KLHL1: variants seen among roughly 807,000 people sequenced by gnomAD.
The protein encoded by KLHL1 is kelch like family member 1.
In KLHL1, 47 loss-of-function variants were observed where a neutral mutation model predicts 77.7. That is an observed-to-expected ratio of 0.60 (90% CI 0.48 to 0.77). The LOEUF (loss-of-function observed/expected upper bound fraction) is 0.77, where lower values mean the gene tolerates loss of function less well. Ranked by LOEUF, KLHL1 falls within the 30% of genes least tolerant of loss-of-function variation. KLHL1 has a pLI of 0.00. For missense variants in KLHL1, 925 were observed against 910.8 expected (o/e 1.02, Z -0.20); for synonymous variants, 360 against 325.2 (o/e 1.11, Z -1.15).
chr13:69,832,958 G>T (rs932108301), intron 6 of KLHL1, among the ~76,000 whole-genome samples: 1 of 152,082 alleles, frequency 6.6e-6, no homozygotes, highest in African/African-American at 2.4e-5. Flanking sequence ...AACTCAATAT[G>T]AATCAAAGAC....
chr13:69,944,963 TA>T (rs1425577689), intron 3 of KLHL1, among the ~76,000 whole-genome samples: 1 of 148,888 alleles, frequency 6.7e-6, no homozygotes, highest in Non-Finnish European at 1.5e-5. Context: ...ATTCAAACAT[TA>T]AACTATAAAA....
In KLHL1 at chr13:69,779,657, T is replaced by G. The variant is rs148927384; in HGVS notation, c.1639+17081A>C. Among the ~76,000 whole-genome samples the G allele has an allele frequency of 4.9e-4, 75 of 152,142 alleles. 1 individual carries two copies. In the East Asian group the frequency reaches 0.012, roughly 24 times the overall value. ...GAAATTGTAAACACATATGTCTATATCTTTATCAAATCTGCCTTAGTAGTA... is the reference window on the plus strand; with the variant it reads ...GAAATTGTAAACACATATGTCTATAGCTTTATCAAATCTGCCTTAGTAGTA... On this transcript the variant is annotated intron_variant, in intron 7 of 10. Coordinates refer to ENST00000377844, the MANE Select transcript of KLHL1 (RefSeq NM_020866.3).
intron 1 of KLHL1, among the ~76,000 whole-genome samples, chr13:70,064,918 A>G (rs1270334919): frequency 6.6e-6 from 1 of 152,174 alleles, no homozygotes. Flanking sequence ...TTTTATTTCT[A>G]TCATCTATGA....
At chr13:69,892,962 A>G (rs1881481808) in intron 4 of KLHL1, among the ~76,000 whole-genome samples, 1 of 152,216 alleles carries the variant, frequency 6.6e-6, no homozygotes, top group Non-Finnish European at 1.5e-5. Flanking sequence ...GATTTAGATT[A>G]TTTCCCTTCT....
chr13:70,070,691 T>C (rs1887118155), intron 1 of KLHL1, among the ~76,000 whole-genome samples: 1 of 151,938 alleles, frequency 6.6e-6, no homozygotes. Context: ...GGAGAAGAAA[T>C]AAAAGTTAAA....
intron 7 of KLHL1, among the ~76,000 whole-genome samples, chr13:69,742,551 A>G (rs1874030455): frequency 6.6e-6 from 1 of 152,194 alleles, no homozygotes. Flanking sequence ...TGAATTAGGC[A>G]AAGTCTCTGC....
intron 4 of KLHL1, among the ~76,000 whole-genome samples, chr13:69,907,262 T>C (rs909232432): frequency 2.0e-5 from 3 of 151,932 alleles, no homozygotes; most frequent in Non-Finnish European, 4.4e-5. Flanking sequence ...AGATGAACCA[T>C]GGGTATAAAA....
chr13:69,780,735 T>C (rs796740146), intron 7 of KLHL1, among the ~76,000 whole-genome samples: 10 of 110,406 alleles, frequency 9.1e-5, no homozygotes, highest in South Asian at 2.5e-4. Flanking sequence ...TATATATACA[T>C]ATATATATAC....
intron 6 of KLHL1, among the ~76,000 whole-genome samples, chr13:69,799,142 T>C (rs1194509147): frequency 6.6e-6 from 1 of 152,096 alleles, no homozygotes; most frequent in Non-Finnish European, 1.5e-5. Context: ...TGACTATATT[T>C]GACCGATGAT....
At chr13:70,059,217 G>A (rs1482056449) in intron 1 of KLHL1, among the ~76,000 whole-genome samples, 1 of 149,938 alleles carries the variant, frequency 6.7e-6, no homozygotes, top group African/African-American at 2.5e-5. Flanking sequence ...GGAGTGCAGT[G>A]GCACAACCTT....
At chr13:69,713,213 A>T (rs543183047) in intron 9 of KLHL1, among the ~76,000 whole-genome samples, 1 of 152,290 alleles carries the variant, frequency 6.6e-6, no homozygotes, top group Non-Finnish European at 1.5e-5. Flanking sequence ...ATATGAAATT[A>T]TTCGATATTT....
intron 1 of KLHL1, among the ~76,000 whole-genome samples, chr13:69,976,055 A>G (rs1161717019): frequency 6.6e-6 from 1 of 152,120 alleles, no homozygotes; most frequent in East Asian, 1.9e-4. Flanking sequence ...TGTTGTCTGT[A>G]TTGATTAGGA....
chr13:69,712,070 T>A (rs1020938095), intron 9 of KLHL1, among the ~76,000 whole-genome samples: 2 of 152,102 alleles, frequency 1.3e-5, no homozygotes, highest in African/African-American at 4.8e-5. Context: ...TCTGTTCTTT[T>A]AAAAATGATA....
chr13:70,064,082 T>C (rs78465558), intron 1 of KLHL1, among the ~76,000 whole-genome samples: 2,715 of 152,194 alleles, frequency 0.018, 80 homozygotes, highest in African/African-American at 0.06. Context: ...GACGGATTAA[T>C]GGACACAAAG....
At chr13:70,001,542 GA>G (rs1029132801) in intron 1 of KLHL1, among the ~76,000 whole-genome samples, 1 of 150,834 alleles carries the variant, frequency 6.6e-6, no homozygotes, top group African/African-American at 2.4e-5. Context: ...AGGTTTGCAA[GA>G]ACATTTAAAC....
At chr13:69,832,273 A>G (rs1878792170) in intron 6 of KLHL1, among the ~76,000 whole-genome samples, 1 of 150,126 alleles carries the variant, frequency 6.7e-6, no homozygotes, top group African/African-American at 2.5e-5. Flanking sequence ...AAATCAATGT[A>G]CACAAATCAG....
At chr13:69,928,523 A>G (rs1882889553) in intron 4 of KLHL1, among the ~76,000 whole-genome samples, 1 of 152,204 alleles carries the variant, frequency 6.6e-6, no homozygotes, top group Non-Finnish European at 1.5e-5. Flanking sequence ...AAACAACTCA[A>G]ATGTCCATCA....
chr13:69,738,986 A>G (rs2137927006), intron 8 of KLHL1, among the ~76,000 whole-genome samples: 1 of 152,272 alleles, frequency 6.6e-6, no homozygotes, highest in Admixed American at 6.5e-5. Flanking sequence ...AAAACAATGC[A>G]AAGGGCAGCC....
chr13:69,907,478 A>G (rs1882080666), intron 4 of KLHL1, among the ~76,000 whole-genome samples: 1 of 152,018 alleles, frequency 6.6e-6, no homozygotes, highest in Admixed American at 6.6e-5. Flanking sequence ...ATTGTTAATA[A>G]CATTTGTGTT....
Sources: allele counts gnomAD v4.1 joint callset (sites outside exome capture counted in the v4.1 genomes callset), GRCh38; gene constraint gnomAD v4.1.1; transcripts MANE v1.5; gene names NCBI Gene and HGNC (gene_info 2026-07-23, HGNC 2026-07-21).